SEPTIN9: variants seen among roughly 807,000 people sequenced by gnomAD.
SEPTIN9 encodes septin-9.
SEPTIN9 carries 13 observed loss-of-function variants against 56.6 expected under a neutral mutation model. The observed-to-expected ratio is 0.23, with a 90% confidence interval of 0.15 to 0.37. The LOEUF (loss-of-function observed/expected upper bound fraction) is 0.37, where lower values mean the gene tolerates loss of function less well. SEPTIN9 is among the 10% of genes least tolerant of loss of function. SEPTIN9 has a pLI of 1.00. For missense variants in SEPTIN9, 650 were observed against 823.1 expected (o/e 0.79, Z 2.57); for synonymous variants, 332 against 334.1 (o/e 0.99, Z 0.07).
chr17:77,489,459 G>C (rs1027266723), intron 7 of SEPTIN9, among the ~76,000 whole-genome samples: 2 of 152,174 alleles, frequency 1.3e-5, no homozygotes, highest in African/African-American at 4.8e-5. Flanking sequence ...CGGACCCTCT[G>C]TCCTCAGCTC....
At chr17:77,423,930 G>C (rs2036799620) in intron 3 of SEPTIN9, among the ~76,000 whole-genome samples, 1 of 148,176 alleles carries the variant, frequency 6.7e-6, no homozygotes, top group African/African-American at 2.5e-5. Flanking sequence ...CCCGCCCTGA[G>C]CCCTGCCTGG....
intron 4 of SEPTIN9, 172 bp downstream of exon 4, chr17:77,482,507 A>AT (rs2039498860): frequency 1.3e-6 from 1 of 747,372 alleles, no homozygotes; most frequent in Admixed American, 2.0e-5. Context: ...GCCTGGGAGG[A>AT]GCCCACAGCC....
intron 1 of SEPTIN9, among the ~76,000 whole-genome samples, chr17:77,285,207 G>C (rs977529493): frequency 6.6e-6 from 1 of 152,002 alleles, no homozygotes; most frequent in Non-Finnish European, 1.5e-5. Flanking sequence ...TGGCTCTCTA[G>C]GTTCTGAGTT....
chr17:77,388,953 G>A (rs1453518683), intron 2 of SEPTIN9, among the ~76,000 whole-genome samples: 1 of 151,788 alleles, frequency 6.6e-6, no homozygotes, highest in African/African-American at 2.4e-5. Flanking sequence ...TGCAGTGACA[G>A]GTCTGGGAAC....
At chr17:77,470,485 C>G (rs557253358) in intron 3 of SEPTIN9, among the ~76,000 whole-genome samples, 52 of 152,226 alleles carry the variant, frequency 3.4e-4, no homozygotes, top group African/African-American at 1.2e-3. Context: ...CACCCATCCA[C>G]TCATCCACCC....
chr17:77,496,543 C>T (rs755684646), intron 10 of SEPTIN9, among the ~76,000 whole-genome samples: 1 of 152,178 alleles, frequency 6.6e-6, no homozygotes, highest in Non-Finnish European at 1.5e-5. Context: ...ACCGCGTGTT[C>T]ATATAGGAGT....
chr17:77,460,772 C>T (rs1362330297), intron 3 of SEPTIN9, among the ~76,000 whole-genome samples: 1 of 152,198 alleles, frequency 6.6e-6, no homozygotes, highest in Non-Finnish European at 1.5e-5. Flanking sequence ...ACAGCTGCAT[C>T]TTGCATCCGG....
chr17:77,484,622 GGGA>G (rs1373228771), intron 4 of SEPTIN9, among the ~76,000 whole-genome samples: 5 of 147,610 alleles, frequency 3.4e-5, no homozygotes, highest in African/African-American at 5.0e-5. Flanking sequence ...GGTGGTGATG[GGGA>G]TGATGATGGT....
chr17:77,498,987 T>C lies in SEPTIN9; in HGVS notation c.*329T>C. ...TCGGTGTGCAGATCATCCGTCTGTG[T>C]GGGGTTCTCAGTGCCGGAGGCCTTG... On this transcript the variant is annotated 3_prime_UTR_variant, in exon 12 of 12. Transcript: ENST00000427177. 1 of 541,612 alleles carries C rather than the reference T, an allele frequency of 1.8e-6. No homozygotes were observed. 33.6% of individuals were successfully genotyped at this position (541,612 alleles called of 1,614,324 possible).
chr17:77,481,626 C>CATGGGGATGTGGGAGGCGGGGACACACG lies in SEPTIN9; in HGVS notation c.722-518_722-517insATGGGGATGTGGGAGGCGGGGACACACG, dbSNP rs1568107216. 9.2e-5 allele frequency among the ~76,000 whole-genome samples: 14 copies of CATGGGGATGTGGGAGGCGGGGACACACG among 152,202 alleles called. No individual in the cohort carries two copies. In the South Asian group the frequency reaches 1.7e-3, roughly 18 times the overall value. On this transcript the variant is annotated intron_variant, in intron 3 of 11. Coordinates refer to ENST00000427177, the MANE Select transcript of SEPTIN9 (RefSeq NM_001113491.2). ...TATCCCCGTTTCTTACAAGACCATCCCTCCTGTGTCTTGGCTCGTGGATCG... is the reference window on the plus strand; with the variant it reads ...TATCCCCGTTTCTTACAAGACCATCCATGGGGATGTGGGAGGCGGGGACACACGCTCCTGTGTCTTGGCTCGTGGATCG...
At chr17:77,442,488 C>T (rs2037582244) in intron 3 of SEPTIN9, among the ~76,000 whole-genome samples, 2 of 141,722 alleles carry the variant, frequency 1.4e-5, no homozygotes, top group South Asian at 2.3e-4. Flanking sequence ...TGAGCCACTG[C>T]ACCCAGCCAA....
chr17:77,321,401 T>TC (rs1303178629), intron 2 of SEPTIN9, among the ~76,000 whole-genome samples: 2 of 150,968 alleles, frequency 1.3e-5, no homozygotes, highest in Non-Finnish European at 3.0e-5. Flanking sequence ...GCCACATCTT[T>TC]TTTTTTTTTT....
chr17:77,281,646 C>A (rs890646019), intron 1 of SEPTIN9, 92 bp downstream of exon 1: 3 of 1,297,242 alleles, frequency 2.3e-6, no homozygotes, highest in South Asian at 1.4e-5. Flanking sequence ...CGAGGCGCCC[C>A]CGGAGCTGAG....
chr17:77,405,167 A>T lies in SEPTIN9; in HGVS notation c.721+2464A>T. 1 of 1,517,962 alleles carries T rather than the reference A, an allele frequency of 6.6e-7. No individual in the cohort carries two copies. The highest frequency in any genetic ancestry group is 1.2e-5 in the South Asian group (1 of 83,654). The allele number at this position is 1,517,962 out of a possible 1,614,324, so 94.0% of individuals were successfully genotyped here. A position where few individuals can be genotyped will look rare whatever the true frequency, so the allele number is the denominator to read the frequency against. On this transcript the variant is annotated intron_variant, in intron 3 of 11. Coordinates refer to ENST00000427177, the MANE Select transcript of SEPTIN9 (RefSeq NM_001113491.2). This position sits in a 1 kb window ranked among gnomAD's most constrained non-coding sequence, Gnocchi z 5.8. ...TAGGGGGATGTCCATGGGGATGTAC[A>T]AGAACATTCTCCTCCAGGGGCAGAC...
At chr17:77,306,794 TG>T (rs1288539510) in intron 1 of SEPTIN9, among the ~76,000 whole-genome samples, 1 of 152,216 alleles carries the variant, frequency 6.6e-6, no homozygotes, top group Non-Finnish European at 1.5e-5. Flanking sequence ...CTGATGGACG[TG>T]GGCTCACCTG....
rs554279725 is a variant in SEPTIN9, at chr17:77,319,237, T to C, written c.76+12040T>C. Among the ~76,000 whole-genome samples the C allele has an allele frequency of 3.9e-5, 6 of 152,290 alleles. No homozygotes were observed. Among genetic ancestry groups the C allele is most frequent in the Non-Finnish European group, 7.4e-5 (5 of 68,010 alleles). Reference sequence around the variant, plus strand: ...CTGATTCCCACCCCAGGGACCCACATTGTAAACCCCCACCTGCTCTGCTGA... The same window carrying C: ...CTGATTCCCACCCCAGGGACCCACACTGTAAACCCCCACCTGCTCTGCTGA... On this transcript the variant is annotated intron_variant, in intron 2 of 11. Coordinates refer to ENST00000427177, the MANE Select transcript of SEPTIN9 (RefSeq NM_001113491.2). This position sits in a 1 kb window ranked among gnomAD's most constrained non-coding sequence, Gnocchi z 5.3.
chr17:77,350,610 A>AGTGTGTGTGTGTGTGTGTGTGTGT (rs57851361), intron 2 of SEPTIN9, among the ~76,000 whole-genome samples: 33 of 149,394 alleles, frequency 2.2e-4, no homozygotes, highest in Admixed American at 1.7e-3. Flanking sequence ...CCTCCAGTGC[A>AGTGTGTGTGTGTGTGTGTGTGTGT]GTGTGTGTGT....
intron 2 of SEPTIN9, among the ~76,000 whole-genome samples, chr17:77,392,262 C>T (rs900424220): frequency 1.3e-5 from 2 of 152,126 alleles, no homozygotes; most frequent in African/African-American, 2.4e-5. Flanking sequence ...CCCAGGGTTG[C>T]CAGAGGCAGA....
intron 3 of SEPTIN9, among the ~76,000 whole-genome samples, chr17:77,411,637 A>G (rs2036305875): frequency 6.6e-6 from 1 of 150,716 alleles, no homozygotes; most frequent in African/African-American, 2.4e-5. Context: ...CCTGACCTTG[A>G]GATCCGCCCA....
Sources: gnomAD v4.1 joint callset for allele counts (sites outside exome capture counted in the v4.1 genomes callset) on GRCh38, gnomAD v4.1.1 for gene constraint, Gnocchi (gnomAD v3.1) non-coding constraint, MANE v1.5 for transcripts, NCBI Gene and HGNC (gene_info 2026-07-23, HGNC 2026-07-21) for gene names.